ANTXR2: variants seen among roughly 807,000 people sequenced by gnomAD.
ANTXR2 encodes ANTXR cell adhesion molecule 2, also known as anthrax toxin receptor 2.
A neutral mutation model predicts 73.7 loss-of-function variants in ANTXR2; 44 were observed. That is an observed-to-expected ratio of 0.60 (90% confidence interval 0.47 to 0.77). The LOEUF (loss-of-function observed/expected upper bound fraction) is 0.77, where lower values mean the gene tolerates loss of function less well. Ranked by LOEUF, ANTXR2 falls within the 30% of genes least tolerant of loss-of-function variation. ANTXR2 has a pLI of 0.00. For synonymous variants in ANTXR2, 217 were observed against 205.9 expected, an observed-to-expected ratio of 1.05 and a Z score of -0.46; for missense variants, 604 against 592.5, an observed-to-expected ratio of 1.02 and a Z score of -0.20.
intron 3 of ANTXR2, among the ~76,000 whole-genome samples, chr4:80,059,651 C>T (rs1043883431): frequency 7.2e-5 from 11 of 152,108 alleles, no homozygotes; most frequent in African/African-American, 2.7e-4. Flanking sequence ...AGCCACTATG[C>T]CCAGGCTTGG....
intron 12 of ANTXR2, among the ~76,000 whole-genome samples, chr4:79,996,112 T>C (rs890720180): frequency 6.6e-6 from 1 of 151,984 alleles, no homozygotes; most frequent in Non-Finnish European, 1.5e-5. Flanking sequence ...TGCCCAAATA[T>C]ATACAAAGAG....
intron 16 of ANTXR2, among the ~76,000 whole-genome samples, chr4:79,916,372 G>A (rs1014106208): frequency 3.3e-5 from 5 of 152,138 alleles, no homozygotes; most frequent in Middle Eastern, 3.4e-3. Flanking sequence ...GGAGGTAGAT[G>A]CCCCAAAGGT....
At chr4:79,928,475 C>T (rs149297253) in intron 16 of ANTXR2, among the ~76,000 whole-genome samples, 47 of 152,114 alleles carry the variant, frequency 3.1e-4, no homozygotes, top group African/African-American at 1.1e-3. Flanking sequence ...GCTACTGAAT[C>T]GTATATTTAA....
chr4:80,008,061 T>C (rs1731394464), intron 12 of ANTXR2, among the ~76,000 whole-genome samples: 1 of 152,174 alleles, frequency 6.6e-6, no homozygotes, highest in Non-Finnish European at 1.5e-5. Flanking sequence ...TGCTGACAAT[T>C]GTGCATGACT....
intron 11 of ANTXR2, among the ~76,000 whole-genome samples, chr4:80,010,625 G>T (rs1423221243): frequency 6.6e-6 from 1 of 152,108 alleles, no homozygotes; most frequent in Non-Finnish European, 1.5e-5. Context: ...AAATTTAGTG[G>T]TTAGTTTGTT....
At position 79,902,426 on chromosome 4, in the gene ANTXR2, T is replaced by TA. The variant is rs918664622; in HGVS notation, c.*5002dup. The TA allele has an allele frequency of 3.3e-5, 5 of 152,078 alleles. No homozygotes were observed. The highest frequency in any genetic ancestry group is 2.9e-5 in the Non-Finnish European group (2 of 67,996). The allele number at this position is 152,078 out of a possible 1,614,324, so 9.4% of individuals were successfully genotyped here. The stretch of plus-strand genomic sequence containing the variant: ...TTAAGACTTTTTTTCCAATTTTGAC[T>TA]AAAAAAAGAGGAGTTTAGTAATTTT... On this transcript the variant is annotated 3_prime_UTR_variant, in exon 17 of 17. Transcript: ENST00000403729.
intron 16 of ANTXR2, among the ~76,000 whole-genome samples, chr4:79,961,043 G>C (rs1384213121): frequency 6.6e-6 from 1 of 151,962 alleles, no homozygotes; most frequent in African/African-American, 2.4e-5. Flanking sequence ...GGTTCTGGTA[G>C]ACACAAAGGC....
intron 11 of ANTXR2, among the ~76,000 whole-genome samples, chr4:80,013,497 A>T (rs1476589515): frequency 1.1e-4 from 17 of 152,208 alleles, no homozygotes; most frequent in Non-Finnish European, 2.9e-5. Context: ...AGATTTTAAC[A>T]AGGACTAACC....
chr4:79,976,176 T>C (rs542881856), intron 16 of ANTXR2, among the ~76,000 whole-genome samples: 2 of 151,986 alleles, frequency 1.3e-5, no homozygotes, highest in Non-Finnish European at 2.9e-5. Context: ...CTTCCCAAAG[T>C]GCTGGGATTA....
At chr4:79,990,065 T>C (rs1015977637) in intron 12 of ANTXR2, among the ~76,000 whole-genome samples, 11 of 152,048 alleles carry the variant, frequency 7.2e-5, no homozygotes, top group African/African-American at 2.6e-4. Flanking sequence ...TCTTAAGAAA[T>C]AGAATAAGAC....
chr4:79,964,874 G>A (rs1468418496), intron 16 of ANTXR2: 1 of 152,378 alleles, frequency 6.6e-6, no homozygotes, highest in Non-Finnish European at 1.5e-5. Flanking sequence ...TGTCTCGGAG[G>A]ACTTCCCGCC....
Position 80,072,422 on chromosome 4 carries a change from A to C in ANTXR2, c.139T>G (p.Phe47Val). 1 of 1,605,118 alleles carries C rather than the reference A, an allele frequency of 6.2e-7. No individual in the cohort carries two copies. Among genetic ancestry groups the C allele is most frequent in the Non-Finnish European group, 8.5e-7 (1 of 1,176,152 alleles). ...TCGCACACTCACTTGTCCAGGACGAAGTAGAGATCAAAGGCTCTTCTGCAG... is the reference window on the plus strand; with the variant it reads ...TCGCACACTCACTTGTCCAGGACGACGTAGAGATCAAAGGCTCTTCTGCAG... ...PSCRRAFDLY[F>V]VLDKSGSVAN... Residue 47 changes from phenylalanine (F) to valine (V), a missense_variant, in exon 1 of 17, where the codon TTC becomes GTC. Coordinates refer to ENST00000403729, the MANE Select transcript of ANTXR2 (RefSeq NM_058172.6).
At chr4:79,962,936 C>T (rs923191045) in intron 16 of ANTXR2, among the ~76,000 whole-genome samples, 1 of 152,032 alleles carries the variant, frequency 6.6e-6, no homozygotes, top group African/African-American at 2.4e-5. Context: ...ATTCTAGGTA[C>T]TGAAGACACT....
At chr4:80,034,230 G>C (rs1000385227) in intron 8 of ANTXR2, among the ~76,000 whole-genome samples, 1 of 152,100 alleles carries the variant, frequency 6.6e-6, no homozygotes, top group African/African-American at 2.4e-5. Flanking sequence ...AAACTTGTTA[G>C]AGAGTGAGAG....
At chr4:79,912,413 A>G (rs1406016009) in intron 16 of ANTXR2, among the ~76,000 whole-genome samples, 5 of 151,984 alleles carry the variant, frequency 3.3e-5, no homozygotes, top group African/African-American at 1.2e-4. Context: ...TCATTAAATT[A>G]TGATCTTTTT....
At chr4:80,043,571 T>C (rs1046723149) in intron 7 of ANTXR2, among the ~76,000 whole-genome samples, 1 of 152,068 alleles carries the variant, frequency 6.6e-6, no homozygotes, top group Non-Finnish European at 1.5e-5. Context: ...GCATTATTTA[T>C]ACAGTTCAGA....
rs1035399891 is a variant in ANTXR2 at position 79,919,694 on chromosome 4, C to G, written c.1429-12227G>C. 3.3e-5 allele frequency among the ~76,000 whole-genome samples: 5 copies of G among 151,766 alleles called. No homozygotes were observed. The East Asian group carries it at 9.8e-4, about 30-fold the overall frequency. On this transcript the variant is annotated intron_variant, in intron 16 of 16. Coordinates refer to ENST00000403729, the MANE Select transcript of ANTXR2 (RefSeq NM_058172.6). ...ACTAAGGCTGCACTGTCAGCTTCCC[C>G]ACTTTTGAGGTTTTGGGACTTGGGC... is the stretch of plus-strand genomic sequence containing the variant.
chr4:80,031,799 T>C (rs1732711647), intron 9 of ANTXR2, 107 bp from the exon 10 acceptor site: 1 of 538,118 alleles, frequency 1.9e-6, no homozygotes, highest in African/African-American at 2.0e-5. Context: ...TGTGGAATAC[T>C]AGATATATTA....
chr4:80,011,326 CT>C (rs1415958122), intron 11 of ANTXR2, among the ~76,000 whole-genome samples: 5 of 150,394 alleles, frequency 3.3e-5, no homozygotes, highest in African/African-American at 1.2e-4. Flanking sequence ...TGTCTATCAT[CT>C]ATCTATCTAT....
Sources: gnomAD v4.1 joint callset for allele counts (sites outside exome capture counted in the v4.1 genomes callset) on GRCh38, gnomAD v4.1.1 for gene constraint, MANE v1.5 for transcripts, NCBI Gene and HGNC (gene_info 2026-07-23, HGNC 2026-07-21) for gene names.